Variants in WNT7B observed in about 807,000 individuals in gnomAD.
WNT7B encodes protein Wnt-7b.
WNT7B carries 19 observed loss-of-function variants against 38.2 expected under a neutral mutation model. The ratio of observed to expected loss-of-function variants is 0.50; its 90% CI spans 0.35 to 0.73. The LOEUF (loss-of-function observed/expected upper bound fraction) is 0.73. Ranked by LOEUF, WNT7B falls within the 30% of genes least tolerant of loss-of-function variation. WNT7B has a pLI of 0.01. For synonymous variants in WNT7B, 243 were observed against 209.3 expected (o/e 1.16, Z -1.39); for missense variants, 423 against 507.9 (o/e 0.83, Z 1.61).
chr22:45,959,223 T>C (rs889103828), intron 1 of WNT7B, among the ~76,000 whole-genome samples: 1 of 152,170 alleles, frequency 6.6e-6, no homozygotes, highest in African/African-American at 2.4e-5. Flanking sequence ...TCAGCAGGGC[T>C]GGGGCTGCAG....
At chr22:45,949,327 A>ATCCCCCCCCC (rs1330884296) in intron 2 of WNT7B, among the ~76,000 whole-genome samples, 1 of 123,708 alleles carries the variant, frequency 8.1e-6, no homozygotes. Context: ...CACTCCCCAC[A>ATCCCCCCCCC]CCCGCCCACC....
At position 45,922,988 on chromosome 22, in the gene WNT7B, G is replaced by A; in HGVS notation, c.918C>T (p.Thr306=). Residue 306 remains threonine (T), a synonymous_variant, in exon 4 of 4, where the codon ACC becomes ACT. Transcript: ENST00000339464. The part of the protein sequence containing the change: ...RTSPGADGCD[T]MCCGRGYNTH... ...TGTTGTAGCCTCGGCCGCAGCACAT[G>A]GTGTCACAGCCGTCCGCGCCGGGCG... 6.2e-7 allele frequency: 1 copy of A among 1,613,276 alleles called. No homozygotes were observed. The highest frequency in any genetic ancestry group is 8.5e-7 in the Non-Finnish European group (1 of 1,179,860).
intron 2 of WNT7B, among the ~76,000 whole-genome samples, chr22:45,945,732 C>T (rs1931779121): frequency 6.6e-6 from 1 of 152,230 alleles, no homozygotes; most frequent in South Asian, 2.1e-4. Flanking sequence ...CCCCTGGCCT[C>T]TCAGATACCC....
intron 2 of WNT7B, among the ~76,000 whole-genome samples, chr22:45,934,426 G>A (rs899677238): frequency 2.6e-5 from 4 of 152,180 alleles, no homozygotes; most frequent in Admixed American, 1.3e-4. Context: ...AGCTGGCTCT[G>A]GAGTGGGCAT....
chr22:45,960,856 T>C (rs111417037), intron 1 of WNT7B, among the ~76,000 whole-genome samples: 1 of 152,154 alleles, frequency 6.6e-6, no homozygotes, highest in Non-Finnish European at 1.5e-5. Context: ...TCCATCCATA[T>C]AGGGGCTCTT....
chr22:45,946,511 G>T (rs1252238941), intron 2 of WNT7B, among the ~76,000 whole-genome samples: 1 of 152,194 alleles, frequency 6.6e-6, no homozygotes, highest in Non-Finnish European at 1.5e-5. Flanking sequence ...AACACTGCTC[G>T]GCTGGGGACA....
chr22:45,927,201 G>C, intron 3 of WNT7B: 1 of 985,422 alleles, frequency 1.0e-6, no homozygotes, highest in Non-Finnish European at 1.2e-6. Context: ...GGGCAGAGCT[G>C]GGGGCCGGGC....
chr22:45,947,069 G>A (rs1024717854), intron 2 of WNT7B, among the ~76,000 whole-genome samples: 2 of 152,312 alleles, frequency 1.3e-5, no homozygotes, highest in Admixed American at 1.3e-4. Context: ...GACATGGCTG[G>A]CCTCCCTGAT....
rs763973550 is a variant in WNT7B, at chr22:45,972,281, C to T, written c.71+4403G>A. 1.0e-4 allele frequency: 60 copies of T among 589,168 alleles called. 1 individual carries two copies. The South Asian group carries it at 1.1e-3, about 11-fold the overall frequency. The allele number at this position is 589,168 out of a possible 1,614,324, so 36.5% of individuals were successfully genotyped here. A position where few individuals can be genotyped will look rare whatever the true frequency, so the allele number is the denominator to read the frequency against. The stretch of plus-strand genomic sequence containing the variant: ...GCGGGGCTGAACAGGCTCCGCGGGC[C>T]GGGCGCCTGGGCCAGCTGAGGCCGG... On this transcript the variant is annotated intron_variant, in intron 1 of 3. Transcript: ENST00000339464.
chr22:45,935,633 C>A (rs1931495823), intron 2 of WNT7B, among the ~76,000 whole-genome samples: 1 of 152,194 alleles, frequency 6.6e-6, no homozygotes. Context: ...CAGGCAGGAT[C>A]CACATCTGAT....
intron 3 of WNT7B, among the ~76,000 whole-genome samples, chr22:45,928,857 C>T (rs28625707): frequency 0.2 from 19,438 of 98,878 alleles, 1,427 homozygotes; most frequent in African/African-American, 0.28. Context: ...TTCCCCATAC[C>T]GCATACCACG....
Position 45,975,616 on chromosome 22 carries a change from T to A in WNT7B, c.71+1068A>T. 1.4e-6 allele frequency: 1 copy of A among 715,028 alleles called. No individual in the cohort carries two copies. The allele number at this position is 715,028 out of a possible 1,614,324, so 44.3% of individuals were successfully genotyped here. A position where few individuals can be genotyped will look rare whatever the true frequency, so the allele number is the denominator to read the frequency against. On this transcript the variant is annotated intron_variant, in intron 1 of 3. Coordinates refer to ENST00000339464, the MANE Select transcript of WNT7B (RefSeq NM_058238.3). This position sits in a 1 kb window ranked among gnomAD's most constrained non-coding sequence, Gnocchi z 6.6. Reference sequence around the variant, plus strand: ...GATTCCCAGCGCCTGCTTCCACCTCTCCGCCTGGGAAGCCGCGTCTCCCAC... The same window carrying A: ...GATTCCCAGCGCCTGCTTCCACCTCACCGCCTGGGAAGCCGCGTCTCCCAC...
At chr22:45,962,222 T>A (rs2146746104) in intron 1 of WNT7B, among the ~76,000 whole-genome samples, 1 of 152,090 alleles carries the variant, frequency 6.6e-6, no homozygotes, top group East Asian at 1.9e-4. Context: ...AGCCATGGGG[T>A]CCATTGCACC....
At chr22:45,963,961 A>T (rs567794212) in intron 1 of WNT7B, among the ~76,000 whole-genome samples, 1 of 152,176 alleles carries the variant, frequency 6.6e-6, no homozygotes, top group African/African-American at 2.4e-5. Flanking sequence ...CAGGAGCTGC[A>T]GCCTGGAGGG....
chr22:45,923,394 TC>T (rs1343646148), intron 3 of WNT7B, 59 bp from the exon 4 acceptor site: 3 of 1,538,236 alleles, frequency 2.0e-6, no homozygotes, highest in Non-Finnish European at 2.6e-6. Flanking sequence ...CCCTCTAGGT[TC>T]CCCTACCCCT....
At chr22:45,950,696 A>G (rs557154179) in intron 1 of WNT7B, among the ~76,000 whole-genome samples, 46 of 152,080 alleles carry the variant, frequency 3.0e-4, no homozygotes, top group African/African-American at 1.1e-3. Flanking sequence ...TTGAGAAGGC[A>G]CTCCCCGTCT....
chr22:45,941,729 C>T (rs1018622787), intron 2 of WNT7B, among the ~76,000 whole-genome samples: 1 of 152,152 alleles, frequency 6.6e-6, no homozygotes, highest in Non-Finnish European at 1.5e-5. Flanking sequence ...CAGCATTGCC[C>T]AGCCCCCACC....
chr22:45,938,047 T>A (rs2146720642), intron 2 of WNT7B, among the ~76,000 whole-genome samples: 1 of 151,838 alleles, frequency 6.6e-6, no homozygotes, highest in East Asian at 1.9e-4. Context: ...AATAATAAAA[T>A]GGTTAACAAC....
chr22:45,948,075 G>A (rs778553096), intron 2 of WNT7B, among the ~76,000 whole-genome samples: 3 of 152,198 alleles, frequency 2.0e-5, no homozygotes, highest in East Asian at 1.9e-4. Context: ...CTCTCCTGGC[G>A]CAGCGAGGCA....
Sources: allele counts gnomAD v4.1 joint callset (sites outside exome capture counted in the v4.1 genomes callset), GRCh38; gene constraint gnomAD v4.1.1; non-coding constraint Gnocchi (gnomAD v3.1); transcripts MANE v1.5; gene names NCBI Gene and HGNC (gene_info 2026-07-23, HGNC 2026-07-21).